MED12L: variants seen among roughly 807,000 people sequenced by gnomAD.
The protein encoded by MED12L is mediator of RNA polymerase II transcription subunit 12-like protein.
In MED12L, 60 loss-of-function variants were observed where a neutral mutation model predicts 281.3. The ratio of observed to expected loss-of-function variants is 0.21; its 90% CI spans 0.17 to 0.26. The LOEUF is 0.26. Among genes scored for constraint, MED12L ranks in the 10% least tolerant of loss-of-function variants. MED12L has a pLI of 1.00. For missense variants in MED12L, 2,146 were observed against 2,680.9 expected (o/e 0.80, Z 4.41); for synonymous variants, 974 against 987.2 (o/e 0.99, Z 0.25).
rs1326960295 is a variant in MED12L at position 151,134,378 on chromosome 3, T to C, written c.556+6394T>C. Reference sequence around the variant, plus strand: ...CAGATAGCCTGTGAAAGAGATACGTTATTCTCATTTCGTGGATGAGGATGG... The same window carrying C: ...CAGATAGCCTGTGAAAGAGATACGTCATTCTCATTTCGTGGATGAGGATGG... On this transcript the variant is annotated intron_variant, in intron 5 of 44. Coordinates refer to ENST00000687756, the MANE Select transcript of MED12L (RefSeq NM_001393769.1). Among the ~76,000 whole-genome samples, 4 of 152,340 alleles carry C rather than the reference T, an allele frequency of 2.6e-5. No homozygotes were observed. In the East Asian group the frequency reaches 7.7e-4, roughly 29 times the overall value.
intron 16 of MED12L, among the ~76,000 whole-genome samples, chr3:151,214,981 G>C (rs538145285): frequency 3.0e-4 from 45 of 152,206 alleles, no homozygotes; most frequent in African/African-American, 1.0e-3. Flanking sequence ...GAGCTATTCA[G>C]ACGGACCTTA....
intron 36 of MED12L, among the ~76,000 whole-genome samples, chr3:151,387,397 T>G (rs1201611401): frequency 6.6e-6 from 1 of 152,224 alleles, no homozygotes; most frequent in Non-Finnish European, 1.5e-5. Flanking sequence ...TGACTATAAC[T>G]TGACTCTTAA....
chr3:151,198,775 T>G, intron 16 of MED12L: 1 of 1,613,818 alleles, frequency 6.2e-7, no homozygotes, highest in Non-Finnish European at 8.5e-7. Flanking sequence ...TGTAGAGCTG[T>G]CGAATTACAA....
At chr3:151,106,835 A>G (rs1226304694) in intron 2 of MED12L, among the ~76,000 whole-genome samples, 3 of 149,136 alleles carry the variant, frequency 2.0e-5, no homozygotes, top group African/African-American at 4.9e-5. Flanking sequence ...AGCTACTTCA[A>G]CTCTTTTATG....
chr3:151,381,105 AT>A (rs1214347122), intron 32 of MED12L, among the ~76,000 whole-genome samples: 3 of 152,226 alleles, frequency 2.0e-5, no homozygotes, highest in Non-Finnish European at 4.4e-5. Context: ...CACAACAGAA[AT>A]TGGAGAGCAT....
At chr3:151,211,601 T>C (rs1181450018) in intron 16 of MED12L, among the ~76,000 whole-genome samples, 1 of 152,218 alleles carries the variant, frequency 6.6e-6, no homozygotes, top group Non-Finnish European at 1.5e-5. Context: ...GGTATTTTTT[T>C]CTGAGTTTTG....
At chr3:151,262,855 C>T (rs1212230394) in intron 16 of MED12L, among the ~76,000 whole-genome samples, 1 of 152,048 alleles carries the variant, frequency 6.6e-6, no homozygotes, top group Non-Finnish European at 1.5e-5. Context: ...AAAGTAAGTC[C>T]TGTTAACGTC....
chr3:151,292,362 C>T (rs1244990279), intron 16 of MED12L, among the ~76,000 whole-genome samples: 2 of 150,640 alleles, frequency 1.3e-5, no homozygotes, highest in African/African-American at 4.9e-5. Flanking sequence ...TCTTGGCTCA[C>T]TGCAACCTCC....
chr3:151,253,312 T>C lies in MED12L; in HGVS notation c.2250+59646T>C, dbSNP rs1350617177. 5.3e-5 allele frequency among the ~76,000 whole-genome samples: 8 copies of C among 152,192 alleles called. No homozygotes were observed. In the East Asian group the frequency reaches 1.5e-3, roughly 29 times the overall value. On this transcript the variant is annotated intron_variant, in intron 16 of 44. Coordinates refer to ENST00000687756, the MANE Select transcript of MED12L (RefSeq NM_001393769.1). ...AGTTTTGCACTGTGCCGGAAACCATTGACTGTCCCAGGGGCCTTCCGCTCT... is the reference window on the plus strand; with the variant it reads ...AGTTTTGCACTGTGCCGGAAACCATCGACTGTCCCAGGGGCCTTCCGCTCT...
chr3:151,280,952 T>C (rs1742702577), intron 16 of MED12L, among the ~76,000 whole-genome samples: 1 of 152,046 alleles, frequency 6.6e-6, no homozygotes. Context: ...AGTCTTTAGG[T>C]TGTGCTGTAC....
chr3:151,417,546 T>G (rs1717756757), intron 43 of MED12L, among the ~76,000 whole-genome samples: 1 of 126,306 alleles, frequency 7.9e-6, no homozygotes, highest in African/African-American at 3.0e-5. Flanking sequence ...TGGAGTGCAG[T>G]GCGATCTCAG....
In MED12L at chr3:151,411,278, A is replaced by C; in HGVS notation, c.5911A>C (p.Thr1971Pro). Residue 1971 changes from threonine (T) to proline (P), a missense_variant and splice_region_variant, in exon 41 of 45, where the codon ACC becomes CCC. Thr to Pro is a conservative substitution (Grantham distance 38). Around this residue, in one of 9 missense-constraint regions of MED12L, gnomAD observed 496 missense variants for 512.0 expected, o/e 0.97. Transcript: ENST00000687756. ...PQYPGLQQAQ[T>P]MPQGYTMYGT... The stretch of plus-strand genomic sequence containing the variant: ...CTTCTTCCCTTGTGCCTACCTGCAG[A>C]CCATGCCACAGGGCTATACAATGTA... 6.2e-7 allele frequency: 1 copy of C among 1,613,688 alleles called. No individual in the cohort carries two copies. The highest frequency in any genetic ancestry group is 8.5e-7 in the Non-Finnish European group (1 of 1,179,558).
intron 16 of MED12L, among the ~76,000 whole-genome samples, chr3:151,240,156 C>T (rs565054966): frequency 1.5e-4 from 23 of 152,132 alleles, no homozygotes; most frequent in African/African-American, 4.6e-4. Context: ...GGAGTGGCCC[C>T]GTTTTTTAGA....
chr3:151,246,956 A>C (rs1394324576), intron 16 of MED12L, among the ~76,000 whole-genome samples: 1 of 152,190 alleles, frequency 6.6e-6, no homozygotes, highest in Non-Finnish European at 1.5e-5. Context: ...AAAAGTGGGC[A>C]AAGGACACGA....
At chr3:151,159,028 T>C (rs16863189) in intron 7 of MED12L, among the ~76,000 whole-genome samples, 2,629 of 152,370 alleles carry the variant, frequency 0.017, 71 homozygotes, top group African/African-American at 0.06. Context: ...AATTTTTAAG[T>C]AATTTTACCC....
intron 16 of MED12L, among the ~76,000 whole-genome samples, chr3:151,250,961 T>C (rs927341195): frequency 1.3e-5 from 2 of 152,256 alleles, no homozygotes; most frequent in African/African-American, 4.8e-5. Context: ...TTGTTCTTTC[T>C]TTCTAGTAGT....
Position 151,430,347 on chromosome 3 carries a change from G to A in MED12L, c.6457G>A (p.Ala2153Thr), listed in dbSNP as rs1719338959. Reference sequence around the variant, plus strand: ...GACCCAGCAGCAGCAGCAGACGGCCGCCTTGGTGCGGCAGCTCCAGAAGCA... The same window carrying A: ...GACCCAGCAGCAGCAGCAGACGGCCACCTTGGTGCGGCAGCTCCAGAAGCA... ...QQTQQQQQTA[A>T]LVRQLQKQLS... Residue 2153 changes from alanine (A) to threonine (T), a missense_variant, in exon 44 of 45, where the codon GCC becomes ACC. By Grantham distance (58) the Ala-to-Thr change is moderately conservative. Around this residue, in one of 9 missense-constraint regions of MED12L, gnomAD observed 5 missense variants for 19.9 expected, o/e 0.25. Transcript: ENST00000687756. 4 of 1,613,936 alleles carry A rather than the reference G, an allele frequency of 2.5e-6. No individual in the cohort carries two copies. Among genetic ancestry groups the A allele is most frequent in the Admixed American group, 3.3e-5 (2 of 59,996 alleles).
intron 44 of MED12L, 112 bp downstream of exon 44, chr3:151,430,492 G>C (rs1719364032): frequency 2.0e-6 from 3 of 1,471,172 alleles, no homozygotes; most frequent in Admixed American, 4.3e-5. Flanking sequence ...TCAGTACAAT[G>C]TTCATGTTAT....
At chr3:151,179,598 C>T (rs1040862947) in intron 11 of MED12L, among the ~76,000 whole-genome samples, 1 of 152,176 alleles carries the variant, frequency 6.6e-6, no homozygotes, top group African/African-American at 2.4e-5. Flanking sequence ...AGTAGGGGTA[C>T]TGCTCCTGGA....
Sources: allele counts gnomAD v4.1 joint callset (sites outside exome capture counted in the v4.1 genomes callset), GRCh38; gene constraint gnomAD v4.1.1; regional missense constraint gnomAD v4.1.1; transcripts MANE v1.5; gene names NCBI Gene and HGNC (gene_info 2026-07-23, HGNC 2026-07-21).